Variants in ASZ1 observed in about 807,000 individuals in gnomAD.
The protein encoded by ASZ1 is ankyrin repeat, SAM and basic leucine zipper domain containing 1.
In ASZ1, 67 loss-of-function variants were observed where a neutral mutation model predicts 61.8. The observed-to-expected ratio is 1.08, with a 90% CI of 0.89 to 1.33. The LOEUF (loss-of-function observed/expected upper bound fraction) is 1.33, where lower values mean the gene tolerates loss of function less well. Ranked by LOEUF, ASZ1 falls within the 40% of genes most tolerant of loss-of-function variation. The pLI is 0.00. For synonymous variants in ASZ1, 193 were observed against 192.7 expected (o/e 1.00, Z -0.01); for missense variants, 577 against 554.5 (o/e 1.04, Z -0.41).
chr7:117,388,926 C>CAAG (rs1796410936), intron 4 of ASZ1, among the ~76,000 whole-genome samples: 1 of 152,058 alleles, frequency 6.6e-6, no homozygotes, highest in African/African-American at 2.4e-5. Flanking sequence ...ATGAATTTGG[C>CAAG]AAGGTTACAG....
chr7:117,412,541 A>G, intron 4 of ASZ1, among the ~76,000 whole-genome samples: 1 of 151,890 alleles, frequency 6.6e-6, no homozygotes, highest in East Asian at 1.9e-4. Flanking sequence ...CATTTTTTCC[A>G]AAGGTATCTT....
At chr7:117,418,156 G>T (rs1383869531) in intron 4 of ASZ1, among the ~76,000 whole-genome samples, 1 of 152,080 alleles carries the variant, frequency 6.6e-6, no homozygotes, top group African/African-American at 2.4e-5. Flanking sequence ...ATCTCATAGA[G>T]GCAGTCGGAA....
At chr7:117,408,866 T>A (rs1009979551) in intron 4 of ASZ1, among the ~76,000 whole-genome samples, 1 of 152,050 alleles carries the variant, frequency 6.6e-6, no homozygotes, top group African/African-American at 2.4e-5. Flanking sequence ...TAAGGGAGAT[T>A]CCTAGGGTGA....
chr7:117,421,048 CACATAAAAAACT>C (rs1307286513), intron 3 of ASZ1, among the ~76,000 whole-genome samples: 1 of 152,072 alleles, frequency 6.6e-6, no homozygotes, highest in Non-Finnish European at 1.5e-5. Context: ...TATTGTGGGA[CACATAAAAAACT>C]CATGTGTACA....
intron 4 of ASZ1, among the ~76,000 whole-genome samples, chr7:117,393,340 A>G (rs1021415633): frequency 6.6e-6 from 1 of 152,186 alleles, no homozygotes; most frequent in Non-Finnish European, 1.5e-5. Flanking sequence ...GAGATATACT[A>G]AAGTCTTCAA....
At chr7:117,401,123 A>T (rs1202866547) in intron 4 of ASZ1, among the ~76,000 whole-genome samples, 1 of 152,206 alleles carries the variant, frequency 6.6e-6, no homozygotes, top group Non-Finnish European at 1.5e-5. Context: ...AATGGCCTGG[A>T]AGATAGACCA....
intron 2 of ASZ1, among the ~76,000 whole-genome samples, chr7:117,425,312 C>CTGGAG (rs1348580278): frequency 1.7e-5 from 2 of 119,800 alleles, no homozygotes; most frequent in Admixed American, 2.4e-4. Flanking sequence ...GTCGCCCAGG[C>CTGGAG]TGGAGTGCAG....
At chr7:117,416,593 A>C (rs529783534) in intron 4 of ASZ1, among the ~76,000 whole-genome samples, 1 of 152,204 alleles carries the variant, frequency 6.6e-6, no homozygotes, top group East Asian at 1.9e-4. Context: ...CAAGATCCGG[A>C]TCACATGGTT....
rs375485328 is a variant in ASZ1, at chr7:117,363,794, C to G, written c.1276-46G>C. On this transcript the variant is annotated intron_variant, in intron 12 of 12. Coordinates refer to ENST00000284629, the MANE Select transcript of ASZ1 (RefSeq NM_130768.3). ...AGAAAAGAGGAGTTACTGTACAATACATTAATAAAACATTTTGATTTTAAA... is the reference window on the plus strand; with the variant it reads ...AGAAAAGAGGAGTTACTGTACAATAGATTAATAAAACATTTTGATTTTAAA... 1.4e-5 allele frequency: 19 copies of G among 1,377,506 alleles called. No homozygotes were observed. In the South Asian group the frequency reaches 2.0e-4, roughly 14 times the overall value. 85.3% of individuals were successfully genotyped at this position (1,377,506 alleles called of 1,614,324 possible).
chr7:117,385,854 T>A, intron 4 of ASZ1, 45 bp from the exon 5 acceptor site: 1 of 1,426,606 alleles, frequency 7.0e-7, no homozygotes, highest in Non-Finnish European at 9.9e-7. Context: ...ATGCTGCCAT[T>A]AATCTCTCAT....
intron 8 of ASZ1, among the ~76,000 whole-genome samples, chr7:117,381,587 C>T (rs552370767): frequency 2.0e-5 from 3 of 152,204 alleles, no homozygotes; most frequent in Admixed American, 1.3e-4. Flanking sequence ...ACTCAAACCC[C>T]ATAATGTATG....
chr7:117,407,679 T>C lies in ASZ1; in HGVS notation c.440+12484A>G, dbSNP rs1438178188. ...TCTCAAAATATCTTATTGTACTATA[T>C]TCACCCTTTTTCTTCTTGTGATGGT... On this transcript the variant is annotated intron_variant, in intron 4 of 12. Coordinates refer to ENST00000284629, the MANE Select transcript of ASZ1 (RefSeq NM_130768.3). 3.3e-5 allele frequency among the ~76,000 whole-genome samples: 5 copies of C among 152,214 alleles called. No homozygotes were observed. The East Asian group carries it at 5.8e-4, about 18-fold the overall frequency.
intron 10 of ASZ1, among the ~76,000 whole-genome samples, chr7:117,369,333 T>C (rs532197896): frequency 1.4e-4 from 21 of 152,212 alleles, no homozygotes; most frequent in Admixed American, 7.2e-4. Flanking sequence ...TATTGAAAAG[T>C]AGTAAGAGAA....
At chr7:117,367,151 A>G (rs938370312) in intron 12 of ASZ1, among the ~76,000 whole-genome samples, 1 of 152,162 alleles carries the variant, frequency 6.6e-6, no homozygotes, top group Non-Finnish European at 1.5e-5. Context: ...AAAATGACAT[A>G]TTCTTCTTTT....
Position 117,427,450 on chromosome 7 carries a change from C to G in ASZ1, c.11G>C (p.Ser4Thr), listed in dbSNP as rs766996752. 1.2e-6 allele frequency: 2 copies of G among 1,613,838 alleles called. No homozygotes were observed. Among genetic ancestry groups the G allele is most frequent in the Non-Finnish European group, 1.7e-6 (2 of 1,179,916 alleles). Residue 4 changes from serine (S) to threonine (T), a missense_variant, in exon 1 of 13, where the codon AGC becomes ACC. Ser to Thr is a moderately conservative substitution (Grantham distance 58). Coordinates refer to ENST00000284629, the MANE Select transcript of ASZ1 (RefSeq NM_130768.3). ...AGCCACTGGCAGGCCTCGCAGCGCG[C>G]TCGCCGCCATGCCAGCCAAGGAAGC... Reference protein sequence around the residue: MAASALRGLPVAGG... With the variant: MAATALRGLPVAGG...
At chr7:117,371,952 G>A (rs1001669998) in intron 10 of ASZ1, among the ~76,000 whole-genome samples, 2 of 152,096 alleles carry the variant, frequency 1.3e-5, no homozygotes, top group African/African-American at 2.4e-5. Flanking sequence ...AGCAAAATTA[G>A]TCTTAATGAA....
intron 10 of ASZ1, among the ~76,000 whole-genome samples, chr7:117,373,959 T>C (rs965310467): frequency 3.3e-5 from 5 of 152,170 alleles, no homozygotes; most frequent in African/African-American, 4.8e-5. Flanking sequence ...TGCTGATTTT[T>C]AAGTCCTCAC....
chr7:117,410,857 A>T (rs1234014622), intron 4 of ASZ1, among the ~76,000 whole-genome samples: 4 of 151,746 alleles, frequency 2.6e-5, no homozygotes, highest in Non-Finnish European at 4.4e-5. Flanking sequence ...TAATTTTATA[A>T]GGAGGTAGTG....
At chr7:117,421,525 G>T (rs891858670) in intron 3 of ASZ1, among the ~76,000 whole-genome samples, 15 of 151,938 alleles carry the variant, frequency 9.9e-5, no homozygotes, top group African/African-American at 3.4e-4. Context: ...CTGGCCAAGT[G>T]ATATTTTTAA....
Sources: allele counts gnomAD v4.1 joint callset (sites outside exome capture counted in the v4.1 genomes callset), GRCh38; gene constraint gnomAD v4.1.1; transcripts MANE v1.5; gene names NCBI Gene and HGNC (gene_info 2026-07-23, HGNC 2026-07-21).